Variants in ZNF322 observed in about 807,000 individuals in gnomAD.
ZNF322 encodes HLA complex group 12.
In ZNF322, 1 loss-of-function variant was observed where a neutral mutation model predicts 18.3. The observed-to-expected ratio is 0.05, with a 90% CI of 0.02 to 0.26. The LOEUF (loss-of-function observed/expected upper bound fraction) is 0.26, where lower values mean the gene tolerates loss of function less well. Ranked by LOEUF, ZNF322 falls within the 10% of genes least tolerant of loss-of-function variation. The probability of loss-of-function intolerance (pLI) is 1.00; values close to 1 mark genes in which losing one functional copy is unlikely to be tolerated. For missense variants in ZNF322, 36 were observed against 403.6 expected (o/e 0.09, Z 7.80); for synonymous variants, 17 against 130.7 (o/e 0.13, Z 5.93).
rs185234879 is a variant in ZNF322, at chr6:26,640,080, C to T, written c.-175-1352G>A. Among the ~76,000 whole-genome samples the T allele has an allele frequency of 2.6e-3, 394 of 152,268 alleles. 2 individuals carry two copies. The highest frequency in any genetic ancestry group is 6.8e-3 in the Middle Eastern group (2 of 294). On this transcript the variant is annotated intron_variant, in intron 3 of 3. Transcript: ENST00000415922. Reference sequence around the variant, plus strand: ...GTATTGGACCATTCCAATATTATTTCTCTTCTCAAAAACAAAAGCACAATC... The same window carrying T: ...GTATTGGACCATTCCAATATTATTTTTCTTCTCAAAAACAAAAGCACAATC...
At chr6:26,656,200 C>G (rs1765767812) in intron 2 of ZNF322, among the ~76,000 whole-genome samples, 1 of 152,190 alleles carries the variant, frequency 6.6e-6, no homozygotes, top group South Asian at 2.1e-4. Flanking sequence ...ACAGTTTAAG[C>G]TCTGGATGCA....
At chr6:26,647,877 CTT>C (rs34835436) in intron 2 of ZNF322, among the ~76,000 whole-genome samples, 36,253 of 142,530 alleles carry the variant, frequency 0.25, 5,647 homozygotes, top group East Asian at 0.62. Context: ...TCCAATATCG[CTT>C]TTTTTTTTTT....
intron 2 of ZNF322, among the ~76,000 whole-genome samples, chr6:26,656,306 C>T (rs141397840): frequency 2.0e-4 from 31 of 152,174 alleles, no homozygotes; most frequent in African/African-American, 7.5e-4. Context: ...CTTTTTTCCT[C>T]ACAGAGTTGC....
At chr6:26,651,731 A>T (rs1012846600) in intron 2 of ZNF322, among the ~76,000 whole-genome samples, 4 of 152,214 alleles carry the variant, frequency 2.6e-5, no homozygotes, top group Non-Finnish European at 5.9e-5. Flanking sequence ...ATTAAAAAAA[A>T]TTTACAAACC....
At chr6:26,655,473 A>T (rs1441468129) in intron 2 of ZNF322, among the ~76,000 whole-genome samples, 1 of 152,232 alleles carries the variant, frequency 6.6e-6, no homozygotes, top group Non-Finnish European at 1.5e-5. Flanking sequence ...TCTCCTAGGG[A>T]TGGCATGTAG....
At position 26,649,153 on chromosome 6, in the gene ZNF322, A is replaced by T. The variant is rs180737070; in HGVS notation, c.-245-5425T>A. On this transcript the variant is annotated intron_variant, in intron 2 of 3. Coordinates refer to ENST00000415922, the MANE Select transcript of ZNF322 (RefSeq NM_024639.5). ...TGCTACTCAAGTTCACTTTGAAAAG[A>T]CCAACAAGGACAGCCATGAAGCAAT... Among the ~76,000 whole-genome samples the T allele has an allele frequency of 2.0e-3, 304 of 152,364 alleles. 5 individuals carry two copies. Among genetic ancestry groups the T allele is most frequent in the African/African-American group, 7.1e-3 (295 of 41,578 alleles).
At chr6:26,657,345 T>C (rs1477080860) in intron 2 of ZNF322, among the ~76,000 whole-genome samples, 2 of 152,140 alleles carry the variant, frequency 1.3e-5, no homozygotes, top group African/African-American at 2.4e-5. Flanking sequence ...CTCTACATAA[T>C]GTGGCACCTC....
At chr6:26,640,998 C>A (rs1223989052) in intron 3 of ZNF322, among the ~76,000 whole-genome samples, 1 of 152,120 alleles carries the variant, frequency 6.6e-6, no homozygotes, top group African/African-American at 2.4e-5. Flanking sequence ...AACATGTGCA[C>A]TCAGAGAAAA....
intron 3 of ZNF322, among the ~76,000 whole-genome samples, chr6:26,642,525 G>A (rs893831787): frequency 2.0e-5 from 3 of 152,190 alleles, no homozygotes; most frequent in Non-Finnish European, 4.4e-5. Context: ...ATATCTCCAT[G>A]ATCTATGAAC....
chr6:26,647,745 C>A (rs1477520848), intron 2 of ZNF322, among the ~76,000 whole-genome samples: 2 of 152,096 alleles, frequency 1.3e-5, no homozygotes, highest in Non-Finnish European at 2.9e-5. Context: ...CAAATAAATA[C>A]AATGCTTCAT....
intron 3 of ZNF322, among the ~76,000 whole-genome samples, chr6:26,642,961 C>T (rs1412924976): frequency 6.6e-6 from 1 of 152,242 alleles, no homozygotes; most frequent in South Asian, 2.1e-4. Context: ...AGTCTAACCA[C>T]TTCTCACCAG....
chr6:26,654,106 T>C (rs1765721452), intron 2 of ZNF322, among the ~76,000 whole-genome samples: 10 of 152,072 alleles, frequency 6.6e-5, no homozygotes. Context: ...AATAAGTAAA[T>C]ATACTATGGA....
chr6:26,640,006 AC>A (rs1554148149), intron 3 of ZNF322, among the ~76,000 whole-genome samples: 1 of 151,460 alleles, frequency 6.6e-6, no homozygotes, highest in African/African-American at 2.4e-5. Flanking sequence ...CAAGGACATC[AC>A]TCTAGCAATT....
At chr6:26,649,690 TATATATATATA>T (rs1272335081) in intron 2 of ZNF322, among the ~76,000 whole-genome samples, 47 of 82,518 alleles carry the variant, frequency 5.7e-4, no homozygotes, top group Non-Finnish European at 6.5e-4. Context: ...TATATATATA[TATATATATATA>T]TTTTTTTTTT....
chr6:26,648,784 T>C (rs181631374), intron 2 of ZNF322, among the ~76,000 whole-genome samples: 3 of 152,286 alleles, frequency 2.0e-5, no homozygotes, highest in African/African-American at 7.2e-5. Context: ...GACCCAAAAA[T>C]AGACTCGAAT....
chr6:26,654,584 T>C (rs782151102), intron 2 of ZNF322, among the ~76,000 whole-genome samples: 6 of 151,900 alleles, frequency 3.9e-5, no homozygotes, highest in Admixed American at 1.3e-4. Context: ...AAGCAGAACA[T>C]TGAAATAAGT....
At chr6:26,642,618 G>A (rs1765485371) in intron 3 of ZNF322, among the ~76,000 whole-genome samples, 1 of 152,104 alleles carries the variant, frequency 6.6e-6, no homozygotes, top group Admixed American at 6.5e-5. Context: ...TAGACTACAA[G>A]TCCACAGTAT....
rs138523693 is a variant in ZNF322, at chr6:26,644,543, T to C, written c.-245-815A>G. On this transcript the variant is annotated intron_variant, in intron 2 of 3. Transcript: ENST00000415922. Reference sequence around the variant, plus strand: ...TCCCATTGAATCCAACTATGAAGTCTGGACAGAATGTATGGCCCAGTTATT... The same window carrying C: ...TCCCATTGAATCCAACTATGAAGTCCGGACAGAATGTATGGCCCAGTTATT... Among the ~76,000 whole-genome samples, 15 of 152,356 alleles carry C rather than the reference T, an allele frequency of 9.8e-5. No homozygotes were observed. The East Asian group carries it at 2.7e-3, about 27-fold the overall frequency.
rs1395813034 is a variant in ZNF322, at chr6:26,659,654, C to T, written c.-548G>A. 4.2e-5 allele frequency: 7 copies of T among 165,462 alleles called. No homozygotes were observed. Among genetic ancestry groups the T allele is most frequent in the African/African-American group, 1.4e-4 (6 of 41,476 alleles). 10.2% of individuals were successfully genotyped at this position (165,462 alleles called of 1,614,324 possible). A position where few individuals can be genotyped will look rare whatever the true frequency, so the allele number is the denominator to read the frequency against. ...GACTAGAGGAGTTGGGGCCAGGCCG[C>T]CCACAGAGCGCTTTAACAGAGCGCT... On this transcript the variant is annotated 5_prime_UTR_variant, in exon 1 of 4. Coordinates refer to ENST00000415922, the MANE Select transcript of ZNF322 (RefSeq NM_024639.5).
Sources: allele counts gnomAD v4.1 joint callset (sites outside exome capture counted in the v4.1 genomes callset), GRCh38; gene constraint gnomAD v4.1.1; transcripts MANE v1.5; gene names NCBI Gene and HGNC (gene_info 2026-07-23, HGNC 2026-07-21).